GRM7: variants seen among roughly 807,000 people sequenced by gnomAD.
The protein encoded by GRM7 is glutamate metabotropic receptor 7.
GRM7 carries 35 observed loss-of-function variants against 84.5 expected under a neutral mutation model. The observed-to-expected ratio is 0.41, with a 90% CI of 0.32 to 0.55. The LOEUF is 0.55. GRM7 is among the 20% of genes least tolerant of loss of function. GRM7 has a pLI of 0.19. For synonymous variants in GRM7, 487 were observed against 455.1 expected, an observed-to-expected ratio of 1.07 and a Z score of -0.89; for missense variants, 1,003 against 1,194.6, an observed-to-expected ratio of 0.84 and a Z score of 2.36.
At chr3:6,886,605 T>A (rs929223838) in intron 1 of GRM7, among the ~76,000 whole-genome samples, 1 of 152,218 alleles carries the variant, frequency 6.6e-6, no homozygotes, top group South Asian at 2.1e-4. Context: ...ATGCTTCATA[T>A]TCCTCATGAT....
At chr3:7,572,198 G>A (rs1232698946) in intron 7 of GRM7, among the ~76,000 whole-genome samples, 1 of 152,138 alleles carries the variant, frequency 6.6e-6, no homozygotes, top group Non-Finnish European at 1.5e-5. Flanking sequence ...CTGCATTCCA[G>A]CCTTTTGGAG....
intron 1 of GRM7, among the ~76,000 whole-genome samples, chr3:6,882,802 T>C (rs957230293): frequency 2.0e-5 from 3 of 152,228 alleles, no homozygotes; most frequent in African/African-American, 7.2e-5. Context: ...CTCAGCAGCA[T>C]TTCATTATTT....
chr3:6,929,909 C>G (rs1185816136), intron 1 of GRM7, among the ~76,000 whole-genome samples: 1 of 152,184 alleles, frequency 6.6e-6, no homozygotes, highest in Non-Finnish European at 1.5e-5. Flanking sequence ...AACAACGCTT[C>G]TCCTCCGGAG....
intron 2 of GRM7, among the ~76,000 whole-genome samples, chr3:7,239,732 TA>T (rs1697479229): frequency 6.6e-6 from 1 of 152,130 alleles, no homozygotes; most frequent in African/African-American, 2.4e-5. Flanking sequence ...TCTGTTTGAT[TA>T]ACCGGTTTTC....
rs1298802501 is a variant in GRM7, at chr3:6,891,676, C to T, written c.519+29769C>T. 3.3e-5 allele frequency among the ~76,000 whole-genome samples: 5 copies of T among 152,292 alleles called. No homozygotes were observed. The South Asian group carries it at 8.3e-4, about 25-fold the overall frequency. On this transcript the variant is annotated intron_variant, in intron 1 of 9. Coordinates refer to ENST00000357716, the MANE Select transcript of GRM7 (RefSeq NM_000844.4). ...TGGCTGCCCTTAACATTTTTTCCTT[C>T]ATTTCAACTTTGGCAAATCTGACAA...
intron 1 of GRM7, among the ~76,000 whole-genome samples, chr3:6,977,512 C>T (rs1218301738): frequency 1.3e-5 from 2 of 152,048 alleles, no homozygotes; most frequent in Non-Finnish European, 2.9e-5. Context: ...AAAGATGGGA[C>T]GTCTAAATTT....
At chr3:7,239,444 C>A (rs1697468843) in intron 2 of GRM7, among the ~76,000 whole-genome samples, 1 of 152,126 alleles carries the variant, frequency 6.6e-6, no homozygotes, top group African/African-American at 2.4e-5. Flanking sequence ...TATGGCTAAT[C>A]CTACCTACTT....
At chr3:7,165,635 T>A (rs1248869155) in intron 2 of GRM7, among the ~76,000 whole-genome samples, 1 of 152,198 alleles carries the variant, frequency 6.6e-6, no homozygotes, top group Non-Finnish European at 1.5e-5. Context: ...ATACAGCTAA[T>A]CAAAATACTA....
chr3:7,706,772 GTGGT>G (rs565972303), intron 9 of GRM7, among the ~76,000 whole-genome samples: 214 of 152,286 alleles, frequency 1.4e-3, no homozygotes, highest in Non-Finnish European at 2.6e-3. Context: ...AATTGCCTAT[GTGGT>G]TGAACTCAGT....
chr3:7,566,039 G>A (rs1251701450), intron 7 of GRM7, among the ~76,000 whole-genome samples: 4 of 150,556 alleles, frequency 2.7e-5, no homozygotes, highest in Non-Finnish European at 5.9e-5. Context: ...TCTGGCTTAT[G>A]AATAGATAAA....
intron 4 of GRM7, among the ~76,000 whole-genome samples, chr3:7,321,469 G>C (rs1700779149): frequency 6.6e-6 from 1 of 152,004 alleles, no homozygotes; most frequent in Non-Finnish European, 1.5e-5. Context: ...TAAGGAAATA[G>C]GTAGTTTTTT....
intron 4 of GRM7, among the ~76,000 whole-genome samples, chr3:7,395,700 T>G (rs1004395678): frequency 2.0e-5 from 3 of 152,162 alleles, no homozygotes; most frequent in African/African-American, 7.2e-5. Context: ...AGATATGACT[T>G]TGCTTCTTAT....
chr3:7,650,618 G>A (rs1698889437), intron 8 of GRM7, among the ~76,000 whole-genome samples: 1 of 152,218 alleles, frequency 6.6e-6, no homozygotes, highest in Non-Finnish European at 1.5e-5. Flanking sequence ...GATTACAATA[G>A]CACTATGAAG....
chr3:6,973,099 A>G (rs1016617223), intron 1 of GRM7, among the ~76,000 whole-genome samples: 8 of 152,370 alleles, frequency 5.3e-5, no homozygotes, highest in African/African-American at 1.7e-4. Flanking sequence ...TATATCAACC[A>G]TAAAGACTGG....
chr3:7,009,746 G>A (rs1467646562), intron 1 of GRM7, among the ~76,000 whole-genome samples: 5 of 152,140 alleles, frequency 3.3e-5, no homozygotes, highest in Non-Finnish European at 5.9e-5. Flanking sequence ...TTTCAGATGC[G>A]TGTCTATTGG....
intron 8 of GRM7, among the ~76,000 whole-genome samples, chr3:7,593,589 C>T (rs1205691372): frequency 1.3e-5 from 2 of 152,098 alleles, no homozygotes; most frequent in African/African-American, 4.8e-5. Context: ...GCTCTTCAAG[C>T]ACAAACCTGC....
chr3:7,518,359 A>G (rs995124831), intron 7 of GRM7, among the ~76,000 whole-genome samples: 1 of 152,242 alleles, frequency 6.6e-6, no homozygotes, highest in African/African-American at 2.4e-5. Flanking sequence ...AAAGTGCATT[A>G]GAAAGCATCA....
At chr3:7,679,900 A>G in intron 8 of GRM7, 149 bp from the exon 9 acceptor site, 1 of 669,672 alleles carries the variant, frequency 1.5e-6, no homozygotes. Flanking sequence ...ATAACTGTGC[A>G]GAGTTATTGT....
intron 5 of GRM7, among the ~76,000 whole-genome samples, chr3:7,445,777 C>T (rs1479808104): frequency 1.3e-5 from 2 of 152,126 alleles, no homozygotes; most frequent in Non-Finnish European, 2.9e-5. Context: ...GAAATGCATA[C>T]CCTTGAGGGG....
Sources: gnomAD v4.1 joint callset for allele counts (sites outside exome capture counted in the v4.1 genomes callset) on GRCh38, gnomAD v4.1.1 for gene constraint, MANE v1.5 for transcripts, NCBI Gene and HGNC (gene_info 2026-07-23, HGNC 2026-07-21) for gene names.